Variants in CPSF1 observed in about 807,000 individuals in gnomAD.
CPSF1 encodes the protein cleavage and polyadenylation specificity factor subunit 1.
Under a neutral mutation model 175.8 loss-of-function variants are expected in CPSF1, and 106 were observed. The observed-to-expected ratio is 0.60, with a 90% confidence interval of 0.52 to 0.71. The LOEUF (loss-of-function observed/expected upper bound fraction) is 0.71, where lower values mean the gene tolerates loss of function less well. Ranked by LOEUF, CPSF1 falls within the 30% of genes least tolerant of loss-of-function variation. The pLI is 0.00. For missense variants in CPSF1, 1,734 were observed against 2,022.9 expected (o/e 0.86, Z 2.74); for synonymous variants, 1,024 against 858.3 (o/e 1.19, Z -3.37).
At chr8:144,404,532 T>TC (rs1821389096) in intron 2 of CPSF1, among the ~76,000 whole-genome samples, 1 of 151,454 alleles carries the variant, frequency 6.6e-6, no homozygotes, top group African/African-American at 2.4e-5. Context: ...CGCCTAATTT[T>TC]TTTTTTTTTT....
intron 2 of CPSF1, among the ~76,000 whole-genome samples, chr8:144,404,031 A>G (rs1483344055): frequency 6.6e-6 from 1 of 151,366 alleles, no homozygotes; most frequent in Non-Finnish European, 1.5e-5. Context: ...TCTAGCCAAC[A>G]TGGTGACATA....
At chr8:144,401,722 C>T in intron 2 of CPSF1, 49 bp from the exon 3 acceptor site, 1 of 1,565,170 alleles carries the variant, frequency 6.4e-7, no homozygotes. Flanking sequence ...TCTGGCAGCT[C>T]ACCTCATCCG....
chr8:144,397,096 G>A, intron 23 of CPSF1, 111 bp downstream of exon 23: 1 of 1,126,948 alleles, frequency 8.9e-7, no homozygotes, highest in Non-Finnish European at 1.3e-6. Flanking sequence ...CACGGGAAGG[G>A]GCGGGGCCGT....
At chr8:144,401,097 G>C in intron 5 of CPSF1, 22 bp from the exon 6 acceptor site, 1 of 1,586,258 alleles carries the variant, frequency 6.3e-7, no homozygotes. Context: ...GGGGGCATCA[G>C]CCAGGCCCAG....
At chr8:144,400,650 G>C in intron 7 of CPSF1, 21 bp downstream of exon 7, 1 of 1,600,456 alleles carries the variant, frequency 6.2e-7, no homozygotes, top group Non-Finnish European at 8.5e-7. Flanking sequence ...CAGTGCAGAG[G>C]GGCCTCCTTA....
chr8:144,396,962 G>T, intron 23 of CPSF1, 33 bp from the exon 24 acceptor site: 1 of 1,519,928 alleles, frequency 6.6e-7, no homozygotes, highest in Non-Finnish European at 9.1e-7. Context: ...GGGGGAACGG[G>T]CAGGGCCATG....
intron 16 of CPSF1, 31 bp downstream of exon 16, chr8:144,398,927 G>A (rs1820980183): frequency 1.2e-6 from 2 of 1,612,260 alleles, no homozygotes; most frequent in African/African-American, 2.7e-5. Context: ...GGTCCCACCA[G>A]GAGGCGCCCG....
intron 2 of CPSF1, among the ~76,000 whole-genome samples, chr8:144,402,369 G>A (rs2116890837): frequency 5.3e-5 from 8 of 152,068 alleles, no homozygotes; most frequent in South Asian, 2.1e-4. Context: ...GTGCAGTGGC[G>A]TGATCTTGGC....
chr8:144,396,388 T>C lies in CPSF1; in HGVS notation c.2939A>G (p.Asn980Ser), dbSNP rs1424312998. The change falls in exon 26 of 38, where the codon AAT becomes AGT. Residue 980 changes from asparagine to serine, a missense_variant. By Grantham distance (46) the Asn-to-Ser change is conservative. Around this residue, in one of 10 missense-constraint regions of CPSF1, gnomAD observed 585 missense variants for 584.7 expected, o/e 1.00. Coordinates refer to ENST00000616140, the MANE Select transcript of CPSF1 (RefSeq NM_013291.3). ...GPVDSFAPFH[N>S]VNCPRGFLYF... ...CAGGAAGCCGCGGGGACAGTTGACA[T>C]TGTGGAATGGAGCGAAAGAGTCGAC... is the stretch of plus-strand genomic sequence containing the variant. 3 of 1,590,284 alleles carry C rather than the reference T, an allele frequency of 1.9e-6. No individual in the cohort carries two copies. The highest frequency in any genetic ancestry group is 2.6e-6 in the Non-Finnish European group (3 of 1,171,194).
At position 144,396,379 on chromosome 8, in the gene CPSF1, C is replaced by A. The variant is rs1820728012; in HGVS notation, c.2948G>T (p.Cys983Phe). 6.3e-7 allele frequency: 1 copy of A among 1,589,010 alleles called. No homozygotes were observed. The highest frequency in any genetic ancestry group is 8.5e-7 in the Non-Finnish European group (1 of 1,170,648). Residue 983 changes from cysteine to phenylalanine, a missense_variant, in exon 26 of 38, where the codon TGT becomes TTT. Cys to Phe is a radical substitution (Grantham distance 205, BLOSUM62 -2). Coordinates refer to ENST00000616140, the MANE Select transcript of CPSF1 (RefSeq NM_013291.3). Reference sequence around the variant, plus strand: ...GTTGAAGTACAGGAAGCCGCGGGGACAGTTGACATTGTGGAATGGAGCGAA... The same window carrying A: ...GTTGAAGTACAGGAAGCCGCGGGGAAAGTTGACATTGTGGAATGGAGCGAA... ...DSFAPFHNVNCPRGFLYFNRQ... is the reference protein window; with the variant it reads ...DSFAPFHNVNFPRGFLYFNRQ...
In CPSF1 at chr8:144,402,124, C is replaced by T. The variant is rs2116889056; in HGVS notation, c.145-451G>A. On this transcript the variant is annotated intron_variant, in intron 2 of 37. Coordinates refer to ENST00000616140, the MANE Select transcript of CPSF1 (RefSeq NM_013291.3). The stretch of plus-strand genomic sequence containing the variant: ...GCCTGTTAGAGAAGAGGAAGCCCTG[C>T]GCTATCCTGACGCCTCGGGCTCCCC... Among the ~76,000 whole-genome samples, 10 of 151,660 alleles carry T rather than the reference C, an allele frequency of 6.6e-5. No individual in the cohort carries two copies. In the South Asian group the frequency reaches 8.3e-4, roughly 13 times the overall value.
rs782533294 is a variant in CPSF1, at chr8:144,401,269, G to C, written c.329C>G (p.Pro110Arg). Residue 110 changes from proline (P) to arginine (R), a missense_variant, in exon 5 of 38, where the codon CCG becomes CGG. Pro to Arg is a moderately radical substitution (Grantham distance 103, BLOSUM62 -2). Coordinates refer to ENST00000616140, the MANE Select transcript of CPSF1 (RefSeq NM_013291.3). ...DAKLSVVEYDPGTHDLKTLSL... is the reference protein window; with the variant it reads ...DAKLSVVEYDRGTHDLKTLSL... ...CAGGGTCTTCAGGTCATGGGTGCCC[G>C]GGTCGTACTCCACCACAGACAGCTG... 1 of 1,555,360 alleles carries C rather than the reference G, an allele frequency of 6.4e-7. No individual in the cohort carries two copies. The highest frequency in any genetic ancestry group is 1.2e-5 in the South Asian group (1 of 84,812).
chr8:144,402,551 C>A (rs1554867692), intron 2 of CPSF1, among the ~76,000 whole-genome samples: 1 of 152,140 alleles, frequency 6.6e-6, no homozygotes, highest in African/African-American at 2.4e-5. Flanking sequence ...GTGATCCGCC[C>A]ACCTTAGCCT....
intron 23 of CPSF1, 92 bp from the exon 24 acceptor site, chr8:144,397,021 G>A (rs890738955): frequency 2.2e-4 from 230 of 1,023,812 alleles, no homozygotes; most frequent in Non-Finnish European, 3.2e-4. Flanking sequence ...GGTAAGGGGC[G>A]GGGCTGAGAT....
chr8:144,399,703 G>A lies in CPSF1; in HGVS notation c.1127C>T (p.Thr376Ile). 1.9e-6 allele frequency: 3 copies of A among 1,609,456 alleles called. No individual in the cohort carries two copies. The highest frequency in any genetic ancestry group is 4.5e-5 in the East Asian group (2 of 44,724). ...CAGGAACAGGTACCCGGGCTCCATG[G>A]TGACCATCTGAGGGAGGGCAGGTGT... ...AASVLTTSMV[T>I]MEPGYLFLGS... The change falls in exon 12 of 38, where the codon ACC becomes ATC. Residue 376 changes from threonine (T) to isoleucine (I), a missense_variant. Coordinates refer to ENST00000616140, the MANE Select transcript of CPSF1 (RefSeq NM_013291.3). This position sits in a 1 kb window ranked among gnomAD's most constrained non-coding sequence, Gnocchi z 6.4.
Position 144,400,856 on chromosome 8 carries a change from C to T in CPSF1, c.540-39G>A, listed in dbSNP as rs201302852. The T allele has an allele frequency of 1.7e-3, 2,781 of 1,608,102 alleles. 7 individuals are homozygous for T. Among genetic ancestry groups the T allele is most frequent in the Non-Finnish European group, 1.5e-3 (1,777 of 1,177,862 alleles). On this transcript the variant is annotated intron_variant, in intron 6 of 37. Transcript: ENST00000616140. ...GGCTTCAGCAGGAGAGGAGGGGAGG[C>T]GGGGAGGGGAGCTCGGGCTCTGGCG...
At chr8:144,397,100 G>A in intron 23 of CPSF1, 107 bp downstream of exon 23, 1 of 1,152,396 alleles carries the variant, frequency 8.7e-7, no homozygotes, top group Non-Finnish European at 1.2e-6. Context: ...GGAAGGGGCG[G>A]GGCCGTGGGG....
chr8:144,404,833 GATC>G lies in CPSF1; in HGVS notation c.145-3163_145-3161del, dbSNP rs2116900037. ...GCACTTTGGGAGGCTGAGGCAAGCG[GATC>G]ACGGGGTCAGGCGATCGAGACCATC... On this transcript the variant is annotated intron_variant, in intron 2 of 37. Coordinates refer to ENST00000616140, the MANE Select transcript of CPSF1 (RefSeq NM_013291.3). Among the ~76,000 whole-genome samples, 177 of 151,868 alleles carry G rather than the reference GATC, an allele frequency of 1.2e-3. 1 individual carries two copies. The highest frequency in any genetic ancestry group is 4.0e-3 in the African/African-American group (166 of 41,474).
At position 144,395,247 on chromosome 8, in the gene CPSF1, T is replaced by C. The variant is rs1319336774; in HGVS notation, c.3187+18A>G. 6.2e-7 allele frequency: 1 copy of C among 1,612,892 alleles called. No homozygotes were observed. Among genetic ancestry groups the C allele is most frequent in the Non-Finnish European group, 8.5e-7 (1 of 1,179,800 alleles). On this transcript the variant is annotated intron_variant, in intron 28 of 37. Coordinates refer to ENST00000616140, the MANE Select transcript of CPSF1 (RefSeq NM_013291.3). ...CAAGATGCGGCTGAGGATGGGAGTATGGTGTGGGCGTCACCACCTCTCTCG... is the reference window on the plus strand; with the variant it reads ...CAAGATGCGGCTGAGGATGGGAGTACGGTGTGGGCGTCACCACCTCTCTCG...
Sources: gnomAD v4.1 joint callset for allele counts (sites outside exome capture counted in the v4.1 genomes callset) on GRCh38, gnomAD v4.1.1 for gene constraint, gnomAD v4.1.1 regional missense constraint, Gnocchi (gnomAD v3.1) non-coding constraint, MANE v1.5 for transcripts, NCBI Gene and HGNC (gene_info 2026-07-23, HGNC 2026-07-21) for gene names.